Variants in ANKRD24 observed in about 807,000 individuals in gnomAD.
ANKRD24 encodes the protein ankyrin repeat domain 24.
Under a neutral mutation model 127.8 loss-of-function variants are expected in ANKRD24, and 109 were observed. The ratio of observed to expected loss-of-function variants is 0.85; its 90% CI spans 0.73 to 1.00. The LOEUF is 1.00. ANKRD24 is among the 50% of genes least tolerant of loss of function. ANKRD24 has a pLI of 0.00. For synonymous variants in ANKRD24, 743 were observed against 671.1 expected (o/e 1.11, Z -1.66); for missense variants, 1,648 against 1,570.2 (o/e 1.05, Z -0.84).
intron 19 of ANKRD24, among the ~76,000 whole-genome samples, chr19:4,222,249 TGTG>T (rs926589550): frequency 1.3e-5 from 2 of 152,082 alleles, no homozygotes; most frequent in African/African-American, 4.8e-5. Flanking sequence ...ATTAGCCAGA[TGTG>T]GTGATGGGCA....
chr19:4,206,875 C>T (rs186595060), intron 7 of ANKRD24, among the ~76,000 whole-genome samples: 1 of 152,260 alleles, frequency 6.6e-6, no homozygotes, highest in East Asian at 1.9e-4. Context: ...TCTCACCCTA[C>T]CCCTACTCTT....
intron 7 of ANKRD24, among the ~76,000 whole-genome samples, chr19:4,205,327 A>G (rs12463193): frequency 0.17 from 25,990 of 152,282 alleles, 2,565 homozygotes; most frequent in East Asian, 0.34. Flanking sequence ...TAAGGTTTGC[A>G]GCAATCAAAA....
chr19:4,200,257 C>T, intron 5 of ANKRD24, 86 bp downstream of exon 5: 1 of 1,375,634 alleles, frequency 7.3e-7, no homozygotes, highest in Non-Finnish European at 9.8e-7. Flanking sequence ...GCTCCCAGGT[C>T]TCAATGTTCC....
rs1599442116 is a variant in ANKRD24 at position 4,210,374 on chromosome 19, T to G, written c.1059+2T>G. On this transcript the variant is annotated splice_donor_variant, in intron 13 of 21. Coordinates refer to ENST00000318934, the MANE Select transcript of ANKRD24 (RefSeq NM_001393985.1). LOFTEE classifies it high-confidence loss of function. Reference sequence around the variant, plus strand: ...CACAAGGAACGGAGGCAGCAGGAGGTTAGGAGGCCTCGGAGATTTGGGCGT... The same window carrying G: ...CACAAGGAACGGAGGCAGCAGGAGGGTAGGAGGCCTCGGAGATTTGGGCGT... The G allele has an allele frequency of 6.5e-7, 1 of 1,542,210 alleles. No individual in the cohort carries two copies.
In ANKRD24 at chr19:4,216,952, GAAAC is replaced by G. The variant is rs750823231; in HGVS notation, c.1796_1799del (p.Thr599AsnfsTer98). The G allele has an allele frequency of 1.4e-5, 23 of 1,612,054 alleles. No individual in the cohort carries two copies. The highest frequency in any genetic ancestry group is 2.0e-5 in the Non-Finnish European group (23 of 1,179,242). ...TGAGGCCACAGGAGCCAAGGTCACA[GAAAC>G]AAAACCCACAGGGGCTGAGGTCAGA... On this transcript the variant is annotated frameshift_variant, in exon 18 of 22. Transcript: ENST00000318934. LOFTEE classifies it high-confidence loss of function.
In ANKRD24 at chr19:4,218,066, G is replaced by T; in HGVS notation, c.2906G>T (p.Arg969Leu). Residue 969 changes from arginine to leucine, a missense_variant, in exon 18 of 22, where the codon CGC becomes CTC. Coordinates refer to ENST00000318934, the MANE Select transcript of ANKRD24 (RefSeq NM_001393985.1). ...AGCGTGGCGCTCTCGGAGCACGAACGCATCGTGGGCACCCTGCAGGCCAAC... is the reference window on the plus strand; with the variant it reads ...AGCGTGGCGCTCTCGGAGCACGAACTCATCGTGGGCACCCTGCAGGCCAAC... ...VCSVALSEHE[R>L]IVGTLQANVA... is the part of the protein sequence containing the mutation. 6.4e-7 allele frequency: 1 copy of T among 1,556,680 alleles called. No homozygotes were observed. The highest frequency in any genetic ancestry group is 8.7e-7 in the Non-Finnish European group (1 of 1,155,022).
intron 2 of ANKRD24, among the ~76,000 whole-genome samples, chr19:4,197,150 CCA>C (rs1968792336): frequency 6.6e-6 from 1 of 152,048 alleles, no homozygotes; most frequent in Admixed American, 6.6e-5. Flanking sequence ...AAGGAGAAGT[CCA>C]AAATAGGTAA....
chr19:4,221,468 G>C (rs1309414098), intron 19 of ANKRD24, among the ~76,000 whole-genome samples: 1 of 151,968 alleles, frequency 6.6e-6, no homozygotes, highest in African/African-American at 2.4e-5. Flanking sequence ...GAGCTCAAGC[G>C]ATCTGTCTGC....
At chr19:4,200,466 G>C (rs1048351934) in intron 5 of ANKRD24, among the ~76,000 whole-genome samples, 1 of 152,074 alleles carries the variant, frequency 6.6e-6, no homozygotes, top group Non-Finnish European at 1.5e-5. Context: ...GCATGGGGAA[G>C]TAGCTGGGGC....
chr19:4,193,297 C>CGAA (rs1296586858), intron 2 of ANKRD24, among the ~76,000 whole-genome samples: 1 of 90,736 alleles, frequency 1.1e-5, no homozygotes, highest in Non-Finnish European at 2.0e-5. Context: ...GCGACTCCAT[C>CGAA]AAAAAAAAAA....
rs754583610 is a variant in ANKRD24, at chr19:4,217,113, A to T, written c.1953A>T (p.Glu651Asp). ...EATKTKAEEA[E>D]MQAYGVGAGQ... The stretch of plus-strand genomic sequence containing the variant: ...CAAAAACAAAAGCAGAGGAAGCAGA[A>T]ATGCAGGCCTACGGAGTGGGTGCTG... Residue 651 changes from glutamate to aspartate, a missense_variant, in exon 18 of 22, where the codon GAA (glutamate) becomes GAT (aspartate). By Grantham distance (45) the Glu-to-Asp change is conservative (BLOSUM62 2). Transcript: ENST00000318934. 14 of 1,613,788 alleles carry T rather than the reference A, an allele frequency of 8.7e-6. No homozygotes were observed. The South Asian group carries it at 1.5e-4, about 18-fold the overall frequency.
intron 7 of ANKRD24, 72 bp from the exon 8 acceptor site, chr19:4,207,170 T>G (rs1969435974): frequency 5.1e-6 from 7 of 1,368,032 alleles, no homozygotes; most frequent in African/African-American, 1.4e-5. Context: ...GCGAACCTCC[T>G]GCCTTGGCCT....
intron 7 of ANKRD24, among the ~76,000 whole-genome samples, chr19:4,203,418 C>G (rs1440298929): frequency 2.0e-5 from 3 of 151,996 alleles, no homozygotes; most frequent in African/African-American, 7.2e-5. Context: ...GCAATCATGG[C>G]TCACTGCATC....
At chr19:4,209,990 T>G in intron 11 of ANKRD24, 68 bp from the exon 12 acceptor site, 1 of 959,800 alleles carries the variant, frequency 1.0e-6, no homozygotes, top group Non-Finnish European at 1.6e-6. Context: ...CTGGGTTGGT[T>G]TACTGTGGGG....
At position 4,216,994 on chromosome 19, in the gene ANKRD24, ACAG is replaced by A; in HGVS notation, c.1835_1837del (p.Thr612_Glu613delinsLys). ...GGCTGAGGTCAGAGAAATGGAGACCACAGAAGAAGAAGCAAACATGGAAACTAA... is the reference window on the plus strand; with the variant it reads ...GGCTGAGGTCAGAGAAATGGAGACCAAAGAAGAAGCAAACATGGAAACTAA... On this transcript the variant is annotated inframe_deletion, in exon 18 of 22. Transcript: ENST00000318934. 2 of 1,613,560 alleles carry A rather than the reference ACAG, an allele frequency of 1.2e-6. No homozygotes were observed. The highest frequency in any genetic ancestry group is 2.2e-5 in the South Asian group (2 of 91,020).
rs1435327605 is a variant in ANKRD24, at chr19:4,198,188, C to T, written c.37-1495C>T. On this transcript the variant is annotated intron_variant, in intron 2 of 21. Transcript: ENST00000318934. This position sits in a 1 kb window ranked among gnomAD's most constrained non-coding sequence, Gnocchi z 6.1. The stretch of plus-strand genomic sequence containing the variant: ...TGAGGGAGCCGGGCCCCCGGCGCCG[C>T]GTCCTCCTCATCCTCCAGGCGACAA... 5 of 571,764 alleles carry T rather than the reference C, an allele frequency of 8.7e-6. No individual in the cohort carries two copies. Among genetic ancestry groups the T allele is most frequent in the South Asian group, 8.1e-5 (4 of 49,322 alleles). The allele number at this position is 571,764 out of a possible 1,614,324, so 35.4% of individuals were successfully genotyped here. A position where few individuals can be genotyped will look rare whatever the true frequency, so the allele number is the denominator to read the frequency against.
chr19:4,191,094 C>T (rs1968358394), intron 2 of ANKRD24, among the ~76,000 whole-genome samples: 1 of 152,070 alleles, frequency 6.6e-6, no homozygotes, highest in African/African-American at 2.4e-5. Context: ...GCTGGAGGGG[C>T]CTGAGGTTAG....
intron 5 of ANKRD24, 29 bp downstream of exon 5, chr19:4,200,200 G>A: frequency 6.4e-7 from 1 of 1,567,708 alleles, no homozygotes; most frequent in Non-Finnish European, 8.6e-7. Context: ...CGGGGAGGGA[G>A]GAGGAACTAA....
chr19:4,199,450 G>A lies in ANKRD24; in HGVS notation c.37-233G>A, dbSNP rs1161443390. 2.1e-6 allele frequency: 2 copies of A among 963,248 alleles called. No homozygotes were observed. The highest frequency in any genetic ancestry group is 1.8e-5 in the African/African-American group (1 of 56,774). 59.7% of individuals were successfully genotyped at this position (963,248 alleles called of 1,614,324 possible). On this transcript the variant is annotated intron_variant, in intron 2 of 21. Coordinates refer to ENST00000318934, the MANE Select transcript of ANKRD24 (RefSeq NM_001393985.1). The surrounding 1 kb of genome is among the most constrained non-coding windows in gnomAD (Gnocchi z 5.2). ...TTGTCTCAAACTCCTAGGCTCAAGCGATCCTCCCACCTTGGCCTCCCCAGA... is the reference window on the plus strand; with the variant it reads ...TTGTCTCAAACTCCTAGGCTCAAGCAATCCTCCCACCTTGGCCTCCCCAGA...
Sources: gnomAD v4.1 joint callset for allele counts (sites outside exome capture counted in the v4.1 genomes callset) on GRCh38, gnomAD v4.1.1 for gene constraint, Gnocchi (gnomAD v3.1) non-coding constraint, MANE v1.5 for transcripts, NCBI Gene and HGNC (gene_info 2026-07-23, HGNC 2026-07-21) for gene names.